Variants in CROCC2 observed in about 807,000 individuals in gnomAD.
The protein encoded by CROCC2 is ciliary rootlet coiled-coil, rootletin family member 2, also known as ciliary rootlet coiled-coil protein 2.
In CROCC2, 163 loss-of-function variants were observed where a neutral mutation model predicts 177.6. That is an observed-to-expected ratio of 0.92 (90% confidence interval 0.81 to 1.05). The LOEUF (loss-of-function observed/expected upper bound fraction) is 1.05. Among genes scored for constraint, CROCC2 ranks in the 50% least tolerant of loss-of-function variants. The probability of loss-of-function intolerance (pLI) is 0.00; values close to 1 mark genes in which losing one functional copy is unlikely to be tolerated. For missense variants in CROCC2, 1,929 were observed against 1,797.8 expected (o/e 1.07, Z -1.32); for synonymous variants, 904 against 787.3 (o/e 1.15, Z -2.48).
chr2:240,957,190 C>T (rs1438346759), intron 19 of CROCC2, among the ~76,000 whole-genome samples: 1 of 152,210 alleles, frequency 6.6e-6, no homozygotes, highest in Non-Finnish European at 1.5e-5. Context: ...TCTGCCCTCC[C>T]TGGCCACACA....
chr2:240,963,186 G>A (rs145875817), intron 20 of CROCC2: 2 of 240,338 alleles, frequency 8.3e-6, no homozygotes, highest in South Asian at 1.2e-4. Context: ...GACGCCGGGG[G>A]CAGGAGGTGG....
At chr2:240,969,204 G>A (rs6727810) in intron 27 of CROCC2, among the ~76,000 whole-genome samples, 12 of 152,226 alleles carry the variant, frequency 7.9e-5, no homozygotes, top group African/African-American at 2.2e-4. Flanking sequence ...CAGGAGGGAC[G>A]GCCTTGCAGG....
At chr2:240,992,429 AG>A (rs1423771738) in intron 31 of CROCC2, among the ~76,000 whole-genome samples, 1 of 152,254 alleles carries the variant, frequency 6.6e-6, no homozygotes, top group African/African-American at 2.4e-5. Context: ...GACTTAAAAT[AG>A]TCTGTCCTGG....
At chr2:240,954,166 C>T (rs911879922) in intron 18 of CROCC2, among the ~76,000 whole-genome samples, 34 of 152,110 alleles carry the variant, frequency 2.2e-4, no homozygotes, top group African/African-American at 5.6e-4. Context: ...GTGAAAAATC[C>T]CCCACTCCTG....
At position 240,906,582 on chromosome 2, in the gene CROCC2, C is replaced by T. The variant is rs1033202730; in HGVS notation, c.69C>T (p.Thr23=). The T allele has an allele frequency of 1.0e-5, 4 of 399,046 alleles. No homozygotes were observed. Among genetic ancestry groups the T allele is most frequent in the African/African-American group, 2.1e-5 (1 of 48,654 alleles). The allele number at this position is 399,046 out of a possible 1,614,324, so 24.7% of individuals were successfully genotyped here. ...ASQQPLLGLD[T]VIQRLEDTIL... ...AACAGCCCCTACTGGGGCTGGACAC[C>T]GTGATCCAGGTCAGTGGGGTGGTCA... The change falls in exon 1 of 32, where the codon ACC becomes ACT. Residue 23 remains threonine, a synonymous_variant. Coordinates refer to ENST00000690015, the MANE Select transcript of CROCC2 (RefSeq NM_001351305.2).
intron 14 of CROCC2, among the ~76,000 whole-genome samples, chr2:240,943,209 T>C (rs1299010181): frequency 6.6e-6 from 1 of 152,096 alleles, no homozygotes; most frequent in Non-Finnish European, 1.5e-5. Context: ...GGTTTTGCCA[T>C]GTTGCCCAGG....
chr2:240,944,668 A>G (rs1399028433), intron 14 of CROCC2, among the ~76,000 whole-genome samples: 2 of 151,868 alleles, frequency 1.3e-5, no homozygotes, highest in African/African-American at 2.4e-5. Context: ...CTATTGTTAA[A>G]CTTTACGTCT....
At chr2:240,936,340 C>T (rs1177597491) in intron 14 of CROCC2, among the ~76,000 whole-genome samples, 1 of 152,150 alleles carries the variant, frequency 6.6e-6, no homozygotes, top group African/African-American at 2.4e-5. Context: ...AGCCATTGCC[C>T]AAAGCCCCCG....
intron 30 of CROCC2, among the ~76,000 whole-genome samples, 159 bp from the exon 31 acceptor site, chr2:240,991,037 G>A (rs527463585): frequency 6.6e-5 from 10 of 152,368 alleles, no homozygotes; most frequent in East Asian, 1.9e-4. Context: ...TCAGTCTGAC[G>A]TCTGCCTGAT....
chr2:240,968,067 T>C (rs927931171), intron 26 of CROCC2, 62 bp from the exon 27 acceptor site: 3 of 1,370,622 alleles, frequency 2.2e-6, no homozygotes, highest in Non-Finnish European at 2.8e-6. Flanking sequence ...GAGCCCTGCA[T>C]TGCCTGCCTG....
In CROCC2 at chr2:240,958,067, G is replaced by T; in HGVS notation, c.2944-1234G>T. The T allele has an allele frequency of 3.0e-6, 3 of 985,406 alleles. No homozygotes were observed. Among genetic ancestry groups the T allele is most frequent in the Non-Finnish European group, 3.6e-6 (3 of 829,920 alleles). 61.0% of individuals were successfully genotyped at this position (985,406 alleles called of 1,614,324 possible). ...CTGCCAGCCAGCCGGCCTTCCTGGGGAGCTCGTTAAGGGTTCCTTTGCCAC... is the reference window on the plus strand; with the variant it reads ...CTGCCAGCCAGCCGGCCTTCCTGGGTAGCTCGTTAAGGGTTCCTTTGCCAC... On this transcript the variant is annotated intron_variant, in intron 19 of 31. Transcript: ENST00000690015. The surrounding 1 kb of genome is among the most constrained non-coding windows in gnomAD (Gnocchi z 6.7).
At chr2:240,955,334 T>C (rs1410161865) in intron 18 of CROCC2, 1 of 155,460 alleles carries the variant, frequency 6.4e-6, no homozygotes, top group Non-Finnish European at 1.4e-5. Context: ...AGAGAGAATA[T>C]ACATGTGTGG....
At chr2:240,963,188 A>C in intron 20 of CROCC2, 1 of 236,772 alleles carries the variant, frequency 4.2e-6, no homozygotes, top group Non-Finnish European at 8.3e-6. Context: ...CGCCGGGGGC[A>C]GGAGGTGGGA....
intron 1 of CROCC2, among the ~76,000 whole-genome samples, chr2:240,913,746 A>G (rs1425358733): frequency 6.6e-6 from 1 of 152,228 alleles, no homozygotes; most frequent in Non-Finnish European, 1.5e-5. Context: ...AAACTGAGCA[A>G]TTGCTGAAAT....
In CROCC2 at chr2:240,918,982, C is replaced by T; in HGVS notation, c.229+106C>T. On this transcript the variant is annotated intron_variant, in intron 2 of 31. Coordinates refer to ENST00000690015, the MANE Select transcript of CROCC2 (RefSeq NM_001351305.2). This position sits in a 1 kb window ranked among gnomAD's most constrained non-coding sequence, Gnocchi z 6.3. ...CAAGGTGACGGCGTGGGGGACAGTCCTGGGCTCGCGGCTGGCCAAGGTGAT... is the reference window on the plus strand; with the variant it reads ...CAAGGTGACGGCGTGGGGGACAGTCTTGGGCTCGCGGCTGGCCAAGGTGAT... The T allele has an allele frequency of 1.6e-6, 1 of 644,052 alleles. No individual in the cohort carries two copies. Among genetic ancestry groups the T allele is most frequent in the Non-Finnish European group, 2.8e-6 (1 of 354,562 alleles). 39.9% of individuals were successfully genotyped at this position (644,052 alleles called of 1,614,324 possible). A position where few individuals can be genotyped will look rare whatever the true frequency, so the allele number is the denominator to read the frequency against.
rs1475630462 is a variant in CROCC2 at position 240,932,786 on chromosome 2, C to T, written c.1129C>T (p.Pro377Ser). 2.1e-6 allele frequency: 3 copies of T among 1,427,986 alleles called. No individual in the cohort carries two copies. Among genetic ancestry groups the T allele is most frequent in the Non-Finnish European group, 2.9e-6 (3 of 1,036,908 alleles). The allele number at this position is 1,427,986 out of a possible 1,614,324, so 88.5% of individuals were successfully genotyped here. Residue 377 changes from proline (P) to serine (S), a missense_variant, in exon 9 of 32, where the codon CCC (proline) becomes TCC (serine). Coordinates refer to ENST00000690015, the MANE Select transcript of CROCC2 (RefSeq NM_001351305.2). ...GGAGCCACGGCGCCCACTGAGGAGCCCCCAACGTGCCACATCCCCCCATCA... is the reference window on the plus strand; with the variant it reads ...GGAGCCACGGCGCCCACTGAGGAGCTCCCAACGTGCCACATCCCCCCATCA... The part of the protein sequence containing the change: ...LGEPRRPLRS[P>S]QRATSPHQGA...
intron 15 of CROCC2, among the ~76,000 whole-genome samples, chr2:240,948,274 A>G (rs1342507926): frequency 6.6e-6 from 1 of 152,114 alleles, no homozygotes; most frequent in Non-Finnish European, 1.5e-5. Flanking sequence ...GGCGAGCCCC[A>G]GAAGGCTTGG....
chr2:240,943,189 G>C (rs905951282), intron 14 of CROCC2, among the ~76,000 whole-genome samples: 3 of 151,892 alleles, frequency 2.0e-5, no homozygotes, highest in Non-Finnish European at 2.9e-5. Flanking sequence ...TGTGTTTTTT[G>C]TAGAAATGGG....
At chr2:240,983,452 C>T in intron 28 of CROCC2, 1 of 1,256,558 alleles carries the variant, frequency 8.0e-7, no homozygotes, top group Non-Finnish European at 1.0e-6. Context: ...AGAGGCTCAG[C>T]GGCGGGCAGG....
Sources: gnomAD v4.1 joint callset for allele counts (sites outside exome capture counted in the v4.1 genomes callset) on GRCh38, gnomAD v4.1.1 for gene constraint, Gnocchi (gnomAD v3.1) non-coding constraint, MANE v1.5 for transcripts, NCBI Gene and HGNC (gene_info 2026-07-23, HGNC 2026-07-21) for gene names.